Variants in RASA2 observed in about 807,000 individuals in gnomAD.
The protein encoded by RASA2 is RAS p21 protein activator 2.
In RASA2, 155 loss-of-function variants were observed where a neutral mutation model predicts 118.2. That is an observed-to-expected ratio of 1.31 (90% confidence interval 1.15 to 1.50). RASA2 has a LOEUF of 1.50. Among genes scored for constraint, RASA2 ranks in the 40% most tolerant of loss-of-function variants. The probability of loss-of-function intolerance (pLI) is 0.00; values close to 1 mark genes in which losing one functional copy is unlikely to be tolerated. For synonymous variants in RASA2, 353 were observed against 349.1 expected, an observed-to-expected ratio of 1.01 and a Z score of -0.12; for missense variants, 1,016 against 1,009.6, an observed-to-expected ratio of 1.01 and a Z score of -0.09.
chr3:141,540,442 A>G, intron 4 of RASA2, 91 bp from the exon 5 acceptor site: 1 of 1,031,632 alleles, frequency 9.7e-7, no homozygotes, highest in Non-Finnish European at 1.5e-6. Context: ...TGGTCAGTGG[A>G]TAAATACTGT....
At chr3:141,541,683 C>T (rs945305870) in intron 5 of RASA2, among the ~76,000 whole-genome samples, 1 of 151,716 alleles carries the variant, frequency 6.6e-6, no homozygotes, top group Non-Finnish European at 1.5e-5. Context: ...CGTTTTTTTC[C>T]TTCTAAGAAA....
Position 141,586,656 on chromosome 3 carries a change from A to G in RASA2, c.1837A>G (p.Lys613Glu). ...CTGTTATGTTGGCAGTGAGATGTATAAAAGAGCTCAAGGAAGAACTCGGAT... is the reference window on the plus strand; with the variant it reads ...CTGTTATGTTGGCAGTGAGATGTATGAAAGAGCTCAAGGAAGAACTCGGAT... ...PVHLKEGEMY[K>E]RAQGRTRIGK... Residue 613 changes from lysine to glutamate, a missense_variant, in exon 19 of 24, where the codon AAA (lysine) becomes GAA (glutamate). Lys to Glu is a moderately conservative substitution (Grantham distance 56). Coordinates refer to ENST00000286364, the MANE Select transcript of RASA2 (RefSeq NM_006506.5). The G allele has an allele frequency of 6.2e-7, 1 of 1,609,592 alleles. No individual in the cohort carries two copies. Among genetic ancestry groups the G allele is most frequent in the Non-Finnish European group, 8.5e-7 (1 of 1,176,330 alleles).
chr3:141,580,085 A>AATATATATATATATATATATAT (rs1207351331), intron 15 of RASA2, among the ~76,000 whole-genome samples: 1 of 59,618 alleles, frequency 1.7e-5, no homozygotes, highest in Admixed American at 2.5e-4. Flanking sequence ...AAAAAAAAAA[A>AATATATATATATATATATATAT]ATATATATAT....
chr3:141,568,289 G>A (rs911944575), intron 9 of RASA2, among the ~76,000 whole-genome samples: 2 of 152,064 alleles, frequency 1.3e-5, no homozygotes, highest in African/African-American at 2.4e-5. Flanking sequence ...ATACAGGAGA[G>A]TAGAATATGA....
At chr3:141,585,001 G>GT (rs1463973463) in intron 17 of RASA2, among the ~76,000 whole-genome samples, 1 of 152,030 alleles carries the variant, frequency 6.6e-6, no homozygotes, top group East Asian at 1.9e-4. Context: ...AAAGTTTTGG[G>GT]TTTTGGAACA....
chr3:141,523,728 C>T (rs2082145801), intron 3 of RASA2, among the ~76,000 whole-genome samples: 1 of 152,150 alleles, frequency 6.6e-6, no homozygotes. Flanking sequence ...TTAGTAGACT[C>T]TGGCAGTTCT....
intron 1 of RASA2, among the ~76,000 whole-genome samples, chr3:141,511,622 C>T (rs1161096967): frequency 6.6e-6 from 1 of 152,110 alleles, no homozygotes; most frequent in Non-Finnish European, 1.5e-5. Context: ...GTGTCCTCAG[C>T]TAGAGCAGTT....
chr3:141,569,744 A>G (rs1272669861), intron 9 of RASA2, among the ~76,000 whole-genome samples: 1 of 152,144 alleles, frequency 6.6e-6, no homozygotes, highest in Non-Finnish European at 1.5e-5. Flanking sequence ...CAAGTAGCGA[A>G]CAAAGTACCG....
rs142922773 is a variant in RASA2 at position 141,541,200 on chromosome 3, C to T, written c.527+591C>T. ...TTCTGGGTGTTTTCCTCTATTTTTG[C>T]ATTAGTTGACATCTGAATATCCCAC... On this transcript the variant is annotated intron_variant, in intron 5 of 23. Coordinates refer to ENST00000286364, the MANE Select transcript of RASA2 (RefSeq NM_006506.5). Among the ~76,000 whole-genome samples the T allele has an allele frequency of 3.9e-5, 6 of 152,244 alleles. No homozygotes were observed. The East Asian group carries it at 1.2e-3, about 29-fold the overall frequency.
intron 3 of RASA2, among the ~76,000 whole-genome samples, chr3:141,516,962 CAG>C (rs1271718015): frequency 1.3e-5 from 2 of 151,830 alleles, no homozygotes; most frequent in Non-Finnish European, 2.9e-5. Flanking sequence ...TTAGTAGAAA[CAG>C]GGTTTCACCA....
Position 141,559,902 on chromosome 3 carries a change from T to C in RASA2, c.770T>C (p.Leu257Ser). The C allele has an allele frequency of 6.2e-7, 1 of 1,612,988 alleles. No individual in the cohort carries two copies. Among genetic ancestry groups the C allele is most frequent in the Non-Finnish European group, 8.5e-7 (1 of 1,179,222 alleles). The change falls in exon 9 of 24, where the codon TTG (leucine) becomes TCG (serine). Residue 257 changes from leucine to serine, a missense_variant. Physicochemically the swap from Leu to Ser is moderately radical, Grantham distance 145. Coordinates refer to ENST00000286364, the MANE Select transcript of RASA2 (RefSeq NM_006506.5). Reference protein sequence around the residue: ...DIEKLEIRIDLWNNGNLVQDV... With the variant: ...DIEKLEIRIDSWNNGNLVQDV... Reference sequence around the variant, plus strand: ...CAGTTTTCAATTTTCAGGATCGACTTGTGGAACAATGGAAACCTAGTCCAA... The same window carrying C: ...CAGTTTTCAATTTTCAGGATCGACTCGTGGAACAATGGAAACCTAGTCCAA...
rs150622856 is a variant in RASA2, at chr3:141,563,283, C to CAT, written c.863+3299_863+3300dup. On this transcript the variant is annotated intron_variant, in intron 9 of 23. Coordinates refer to ENST00000286364, the MANE Select transcript of RASA2 (RefSeq NM_006506.5). The stretch of plus-strand genomic sequence containing the variant: ...CGGAAATATTTCATTCAAAAACTGA[C>CAT]ATATATATATATGAGTTTTTTGTTT... Among the ~76,000 whole-genome samples, 1,351 of 151,884 alleles carry CAT rather than the reference C, an allele frequency of 8.9e-3. 20 individuals are homozygous for CAT. Among genetic ancestry groups the CAT allele is most frequent in the African/African-American group, 0.025 (1,048 of 41,442 alleles).
chr3:141,578,357 A>G (rs1486627534), intron 15 of RASA2, among the ~76,000 whole-genome samples: 3 of 152,236 alleles, frequency 2.0e-5, no homozygotes, highest in Non-Finnish European at 2.9e-5. Flanking sequence ...GTATCATTCC[A>G]TGCTCAGTAC....
rs111473555 is a variant in RASA2, at chr3:141,506,953, G to A, written c.134-5210G>A. On this transcript the variant is annotated intron_variant, in intron 1 of 23. Transcript: ENST00000286364. Reference sequence around the variant, plus strand: ...AAAAAGAAAAAGAAAAAAGAATTTGGCATTCCAAATTCATGAAAATATGAA... The same window carrying A: ...AAAAAGAAAAAGAAAAAAGAATTTGACATTCCAAATTCATGAAAATATGAA... Among the ~76,000 whole-genome samples, 200 of 151,634 alleles carry A rather than the reference G, an allele frequency of 1.3e-3. 1 individual carries two copies. Among genetic ancestry groups the A allele is most frequent in the African/African-American group, 4.5e-3 (186 of 41,406 alleles).
At chr3:141,606,001 A>T (rs2083542649) in intron 19 of RASA2, among the ~76,000 whole-genome samples, 1 of 152,130 alleles carries the variant, frequency 6.6e-6, no homozygotes, top group African/African-American at 2.4e-5. Flanking sequence ...GCCTGTGAAT[A>T]TATGCCTCTG....
At chr3:141,586,142 A>T in intron 18 of RASA2, 44 bp downstream of exon 18, 1 of 1,504,530 alleles carries the variant, frequency 6.6e-7, no homozygotes, top group Non-Finnish European at 9.2e-7. Context: ...ATCAGTATAG[A>T]TATTAAGTAA....
intron 1 of RASA2, 54 bp downstream of exon 1, chr3:141,487,270 AG>A: frequency 1.7e-6 from 2 of 1,173,866 alleles, no homozygotes. Flanking sequence ...CGCGAGGCTG[AG>A]GGGGCGGCGG....
intron 4 of RASA2, among the ~76,000 whole-genome samples, chr3:141,534,059 A>G (rs2082294404): frequency 6.6e-6 from 1 of 152,010 alleles, no homozygotes; most frequent in South Asian, 2.1e-4. Flanking sequence ...TTCTTTCTCA[A>G]TATTCTTTGC....
intron 9 of RASA2, 102 bp downstream of exon 9, chr3:141,560,097 T>C (rs1484517216): frequency 1.1e-6 from 1 of 878,086 alleles, no homozygotes; most frequent in Non-Finnish European, 1.7e-6. Flanking sequence ...AAATTTGCCA[T>C]GTAATAAGCT....
Sources: gnomAD v4.1 joint callset for allele counts (sites outside exome capture counted in the v4.1 genomes callset) on GRCh38, gnomAD v4.1.1 for gene constraint, MANE v1.5 for transcripts, NCBI Gene and HGNC (gene_info 2026-07-23, HGNC 2026-07-21) for gene names.